MEIS1: variants seen among roughly 807,000 people sequenced by gnomAD.
The protein encoded by MEIS1 is homeobox protein Meis1.
In MEIS1, 5 loss-of-function variants were observed where a neutral mutation model predicts 50.8. That is an observed-to-expected ratio of 0.10 (90% CI 0.05 to 0.21). The LOEUF is 0.21. MEIS1 is among the 10% of genes least tolerant of loss of function. The pLI is 1.00. For missense variants in MEIS1, 318 were observed against 517.3 expected (o/e 0.61, Z 3.74); for synonymous variants, 176 against 179.3 (o/e 0.98, Z 0.15).
intron 7 of MEIS1, among the ~76,000 whole-genome samples, chr2:66,510,335 G>A (rs116300005): frequency 0.011 from 1,724 of 152,216 alleles, 24 homozygotes; most frequent in Non-Finnish European, 0.018. Flanking sequence ...TACAGATGTA[G>A]GGGTCTGGAA....
At chr2:66,568,992 C>T in intron 11 of MEIS1, 58 bp from the exon 12 acceptor site, 2 of 1,479,380 alleles carry the variant, frequency 1.4e-6, no homozygotes, top group Admixed American at 1.7e-5. Flanking sequence ...TCTTTTGGCA[C>T]TATCTGTTGA....
At chr2:66,439,202 G>A in intron 2 of MEIS1, 1 of 886,028 alleles carries the variant, frequency 1.1e-6, no homozygotes, top group Non-Finnish European at 1.4e-6. Context: ...AACATTTGAA[G>A]GAACTTTCTT....
intron 5 of MEIS1, 36 bp from the exon 6 acceptor site, chr2:66,442,866 T>G: frequency 6.4e-7 from 1 of 1,560,806 alleles, no homozygotes; most frequent in Non-Finnish European, 8.6e-7. Context: ...GCACTCCTGA[T>G]TATATTCCCA....
intron 6 of MEIS1, among the ~76,000 whole-genome samples, chr2:66,457,630 GA>G (rs958880268): frequency 4.7e-4 from 71 of 152,260 alleles, no homozygotes; most frequent in African/African-American, 1.4e-3. Flanking sequence ...TAAGGATCCC[GA>G]AAAACACTGT....
intron 9 of MEIS1, among the ~76,000 whole-genome samples, chr2:66,552,178 C>T (rs909834630): frequency 6.6e-6 from 1 of 152,050 alleles, no homozygotes; most frequent in Admixed American, 6.6e-5. Flanking sequence ...TGTTGCGGAC[C>T]TGGGAATTCC....
At chr2:66,570,456 A>G (rs1423406966) in intron 12 of MEIS1, 1 of 152,210 alleles carries the variant, frequency 6.6e-6, no homozygotes, top group African/African-American at 2.4e-5. Flanking sequence ...GGCTAGATTA[A>G]GCAGCCATTC....
Position 66,571,186 on chromosome 2 carries a change from C to T in MEIS1, c.*38-60C>T, listed in dbSNP as rs1461563250. On this transcript the variant is annotated intron_variant, in intron 12 of 12. Transcript: ENST00000272369. Reference sequence around the variant, plus strand: ...TTTTATAGGATTGTCATAGCCAGGACCACACTATTGCTTTTTCATAACATT... The same window carrying T: ...TTTTATAGGATTGTCATAGCCAGGATCACACTATTGCTTTTTCATAACATT... The T allele has an allele frequency of 4.0e-6, 6 of 1,515,730 alleles. No homozygotes were observed. The Admixed American group carries it at 1.1e-4, about 27-fold the overall frequency. The allele number at this position is 1,515,730 out of a possible 1,614,324, so 93.9% of individuals were successfully genotyped here.
chr2:66,469,400 C>A (rs1417220713), intron 7 of MEIS1, among the ~76,000 whole-genome samples: 1 of 152,104 alleles, frequency 6.6e-6, no homozygotes, highest in African/African-American at 2.4e-5. Flanking sequence ...GGCAGTTGTT[C>A]CAGACCTGTG....
intron 8 of MEIS1, among the ~76,000 whole-genome samples, chr2:66,535,394 ACT>A (rs1674494081): frequency 1.3e-5 from 2 of 152,170 alleles, no homozygotes; most frequent in African/African-American, 4.8e-5. Flanking sequence ...AAAAGCCCAA[ACT>A]ATTCTTCAAG....
intron 9 of MEIS1, among the ~76,000 whole-genome samples, chr2:66,554,593 A>G (rs1309761634): frequency 6.6e-6 from 1 of 152,112 alleles, no homozygotes; most frequent in African/African-American, 2.4e-5. Flanking sequence ...CCTCATCCCT[A>G]CTCCTTGGAT....
At chr2:66,565,180 C>T (rs1675316821) in intron 9 of MEIS1, among the ~76,000 whole-genome samples, 1 of 152,052 alleles carries the variant, frequency 6.6e-6, no homozygotes, top group Non-Finnish European at 1.5e-5. Context: ...GTCATAGACT[C>T]AAACCTGAGT....
At chr2:66,436,763 C>A in intron 1 of MEIS1, 1 of 481,370 alleles carries the variant, frequency 2.1e-6, no homozygotes. Context: ...TCATTTCACT[C>A]TCAGCGCCTC....
Position 66,459,948 on chromosome 2 carries a change from C to T in MEIS1, c.631-4161C>T, listed in dbSNP as rs192863142. The stretch of plus-strand genomic sequence containing the variant: ...ACCAAAGAAGAAATTCAGACACACA[C>T]GTCTGGTAGCATATAGGAAATCAAA... On this transcript the variant is annotated intron_variant, in intron 6 of 12. Transcript: ENST00000272369. Among the ~76,000 whole-genome samples, 38 of 152,190 alleles carry T rather than the reference C, an allele frequency of 2.5e-4. No individual in the cohort carries two copies. In the East Asian group the frequency reaches 5.8e-3, roughly 23 times the overall value.
At chr2:66,486,849 CT>C (rs1393374721) in intron 7 of MEIS1, among the ~76,000 whole-genome samples, 1 of 152,090 alleles carries the variant, frequency 6.6e-6, no homozygotes, top group Admixed American at 6.5e-5. Flanking sequence ...GTATTTTATT[CT>C]TTTTGTAGCA....
chr2:66,446,123 G>T (rs1451591580), intron 6 of MEIS1, among the ~76,000 whole-genome samples: 1 of 152,168 alleles, frequency 6.6e-6, no homozygotes, highest in Non-Finnish European at 1.5e-5. Context: ...AGAGGGAGAG[G>T]GGGGCCATGA....
At chr2:66,466,226 A>G (rs1245916752) in intron 7 of MEIS1, among the ~76,000 whole-genome samples, 1 of 152,150 alleles carries the variant, frequency 6.6e-6, no homozygotes, top group African/African-American at 2.4e-5. Context: ...TTTCCCAATT[A>G]CTTAAATAAG....
intron 7 of MEIS1, among the ~76,000 whole-genome samples, chr2:66,466,210 T>G (rs1486242155): frequency 3.9e-5 from 6 of 152,176 alleles, no homozygotes; most frequent in African/African-American, 1.4e-4. Context: ...AGACCTAAAC[T>G]TCCAGTTTCC....
At chr2:66,469,088 T>C (rs1672708678) in intron 7 of MEIS1, among the ~76,000 whole-genome samples, 1 of 152,070 alleles carries the variant, frequency 6.6e-6, no homozygotes. Flanking sequence ...TTTGATGTAA[T>C]ACATTTCAAC....
rs115549308 is a variant in MEIS1 at position 66,497,126 on chromosome 2, G to T, written c.743-15023G>T. 6.4e-3 allele frequency among the ~76,000 whole-genome samples: 973 copies of T among 152,230 alleles called. 8 individuals are homozygous for T. Among genetic ancestry groups the T allele is most frequent in the African/African-American group, 0.022 (924 of 41,550 alleles). Reference sequence around the variant, plus strand: ...TGGAGAGCATACAGCAATAAGAAAGGACTGTCTCTACCCTCAGATACCTTT... The same window carrying T: ...TGGAGAGCATACAGCAATAAGAAAGTACTGTCTCTACCCTCAGATACCTTT... On this transcript the variant is annotated intron_variant, in intron 7 of 12. Transcript: ENST00000272369.
Sources: allele counts gnomAD v4.1 joint callset (sites outside exome capture counted in the v4.1 genomes callset), GRCh38; gene constraint gnomAD v4.1.1; transcripts MANE v1.5; gene names NCBI Gene and HGNC (gene_info 2026-07-23, HGNC 2026-07-21).